PRELID2: variants seen among roughly 807,000 people sequenced by gnomAD.
The protein encoded by PRELID2 is PRELI domain containing 2, also known as PRELI domain-containing protein 2.
PRELID2 carries 25 observed loss-of-function variants against 28.4 expected under a neutral mutation model. The observed-to-expected ratio is 0.88, with a 90% CI of 0.64 to 1.23. The LOEUF is 1.23. Among genes scored for constraint, PRELID2 ranks in the 50% most tolerant of loss-of-function variants. The probability of loss-of-function intolerance (pLI) is 0.00; values close to 1 mark genes in which losing one functional copy is unlikely to be tolerated. For synonymous variants in PRELID2, 76 were observed against 71.6 expected (o/e 1.06, Z -0.31); for missense variants, 201 against 214.4 (o/e 0.94, Z 0.39).
intron 1 of PRELID2, among the ~76,000 whole-genome samples, chr5:145,613,170 T>C (rs1011812856): frequency 6.6e-6 from 1 of 152,226 alleles, no homozygotes; most frequent in Non-Finnish European, 1.5e-5. Flanking sequence ...ATTATAGTCA[T>C]GCTTGCAGGA....
the PRELID2 span, among the ~76,000 whole-genome samples, chr5:145,270,940 G>A: frequency 6.6e-6 from 1 of 152,092 alleles, no homozygotes; most frequent in Non-Finnish European, 1.5e-5. Context: ...CATGGCTGGG[G>A]GAGGCCTCAG....
chr5:145,279,877 C>CT, the PRELID2 span, among the ~76,000 whole-genome samples: 49,029 of 151,332 alleles, frequency 0.32, 8,384 homozygotes, highest in African/African-American at 0.39. Context: ...CTTATTTTGC[C>CT]ACCTCATGGT....
rs561235383 is a variant in PRELID2, at chr5:145,648,807, A to G, written n.70+116124T>C. On this transcript the variant is annotated intron_variant and non_coding_transcript_variant, in intron 1 of 2. Transcript: ENST00000510259. ...TAATCATATACATATATAAATATAT[A>G]TAACATAATATACATATAAATACAT... Among the ~76,000 whole-genome samples, 17 of 149,534 alleles carry G rather than the reference A, an allele frequency of 1.1e-4. No homozygotes were observed. The East Asian group carries it at 3.3e-3, about 29-fold the overall frequency.
At chr5:145,827,980 G>A (rs1755307729) in intron 1 of PRELID2, among the ~76,000 whole-genome samples, 1 of 151,988 alleles carries the variant, frequency 6.6e-6, no homozygotes, top group South Asian at 2.1e-4. Flanking sequence ...GGGGAAGCTG[G>A]AAAAAAGTAT....
At chr5:145,511,991 A>G (rs1580963482) in intron 1 of PRELID2, among the ~76,000 whole-genome samples, 1 of 152,304 alleles carries the variant, frequency 6.6e-6, no homozygotes, top group Non-Finnish European at 1.5e-5. Flanking sequence ...TTTTGTGGTA[A>G]AAAATCATAA....
chr5:145,458,902 G>A, the PRELID2 span, among the ~76,000 whole-genome samples: 1 of 152,120 alleles, frequency 6.6e-6, no homozygotes, highest in Non-Finnish European at 1.5e-5. Context: ...AAGTAATGGG[G>A]TCAGCTTAGA....
chr5:145,705,981 A>G (rs1246305112), intron 1 of PRELID2, among the ~76,000 whole-genome samples: 1 of 146,180 alleles, frequency 6.8e-6, no homozygotes, highest in Non-Finnish European at 1.5e-5. Flanking sequence ...CTCCCCACAA[A>G]TTTGATTCAA....
At chr5:145,647,742 G>A (rs1754222620) in intron 1 of PRELID2, among the ~76,000 whole-genome samples, 1 of 152,210 alleles carries the variant, frequency 6.6e-6, no homozygotes, top group Admixed American at 6.5e-5. Context: ...GGGCCAGAGT[G>A]CACAGTTTCT....
At chr5:145,419,908 T>C in the PRELID2 span, among the ~76,000 whole-genome samples, 2 of 152,040 alleles carry the variant, frequency 1.3e-5, no homozygotes, top group East Asian at 1.9e-4. Context: ...GATTTTTGTA[T>C]AAGGTGTAAG....
chr5:145,248,793 C>T, the PRELID2 span, among the ~76,000 whole-genome samples: 1 of 152,136 alleles, frequency 6.6e-6, no homozygotes, highest in South Asian at 2.1e-4. Context: ...GAGATTCTAT[C>T]TCAAAAAAGA....
At chr5:145,712,168 A>T (rs979374218) in intron 1 of PRELID2, among the ~76,000 whole-genome samples, 3 of 152,256 alleles carry the variant, frequency 2.0e-5, no homozygotes, top group Admixed American at 6.5e-5. Context: ...TCAAATGTTC[A>T]GCAATTTTGT....
chr5:145,386,340 C>T, the PRELID2 span, among the ~76,000 whole-genome samples: 1 of 152,056 alleles, frequency 6.6e-6, no homozygotes. Flanking sequence ...ATTATGAGAA[C>T]CACAGTTCAA....
At chr5:145,490,641 A>C (rs1395507106) in intron 1 of PRELID2, among the ~76,000 whole-genome samples, 2 of 152,212 alleles carry the variant, frequency 1.3e-5, no homozygotes, top group Non-Finnish European at 2.9e-5. Context: ...TGAAAATATC[A>C]GGCAATTATA....
At chr5:145,419,195 T>A in the PRELID2 span, among the ~76,000 whole-genome samples, 3 of 150,364 alleles carry the variant, frequency 2.0e-5, no homozygotes, top group African/African-American at 4.9e-5. Flanking sequence ...AGCATACGTG[T>A]GCATGTGTCT....
chr5:145,353,113 A>T, the PRELID2 span, among the ~76,000 whole-genome samples: 2 of 149,116 alleles, frequency 1.3e-5, no homozygotes, highest in South Asian at 2.2e-4. Context: ...GCAGCACCCC[A>T]CTCTCTGTGG....
the PRELID2 span, among the ~76,000 whole-genome samples, chr5:145,292,269 A>T: frequency 2.2e-3 from 329 of 152,302 alleles, 2 homozygotes; most frequent in African/African-American, 7.6e-3. Context: ...TGCTTTCTAT[A>T]TCAGCTGTGA....
intron 1 of PRELID2, among the ~76,000 whole-genome samples, chr5:145,497,786 A>T (rs17411097): frequency 1.3e-5 from 2 of 152,224 alleles, no homozygotes; most frequent in South Asian, 2.1e-4. Flanking sequence ...AATGAAAAAA[A>T]GGTTAGCAAG....
intron 4 of PRELID2, among the ~76,000 whole-genome samples, chr5:145,797,353 G>A (rs1752831451): frequency 6.6e-6 from 1 of 152,086 alleles, no homozygotes; most frequent in Non-Finnish European, 1.5e-5. Flanking sequence ...AAACTTTGTT[G>A]CTTTTACCTA....
chr5:145,802,219 A>G (rs562797200), intron 4 of PRELID2, among the ~76,000 whole-genome samples: 2 of 152,220 alleles, frequency 1.3e-5, no homozygotes, highest in Non-Finnish European at 2.9e-5. Flanking sequence ...GAATGGACTC[A>G]GTTTATGGCT....
Sources: allele counts gnomAD v4.1 joint callset (sites outside exome capture counted in the v4.1 genomes callset), GRCh38; gene constraint gnomAD v4.1.1; transcripts MANE v1.5; gene names NCBI Gene and HGNC (gene_info 2026-07-23, HGNC 2026-07-21).